P2RY8: variants seen among roughly 807,000 people sequenced by gnomAD.
P2RY8 encodes the protein S-geranylgeranyl-glutathione receptor P2RY8.
A neutral mutation model predicts 10.0 loss-of-function variants in P2RY8; 6 were observed. The ratio of observed to expected loss-of-function variants is 0.60; its 90% confidence interval spans 0.33 to 1.19. The LOEUF (loss-of-function observed/expected upper bound fraction) is 1.19. P2RY8 is among the 50% of genes most tolerant of loss of function. P2RY8 has a pLI of 0.04. For synonymous variants in P2RY8, 276 were observed against 252.5 expected (o/e 1.09, Z -0.88); for missense variants, 456 against 542.0 (o/e 0.84, Z 1.58).
At chrX:1,513,729 T>A (rs1419497409) in intron 1 of P2RY8, among the ~76,000 whole-genome samples, 2 of 146,324 alleles carry the variant, frequency 1.4e-5, no homozygotes, top group Admixed American at 6.9e-5. Flanking sequence ...CCACTACAAT[T>A]GTATCCAGTT....
chrX:1,469,503 G>C (rs2091754963), intron 1 of P2RY8, among the ~76,000 whole-genome samples: 1 of 151,948 alleles, frequency 6.6e-6, no homozygotes, highest in Admixed American at 6.6e-5. Flanking sequence ...GCAGGTAAAT[G>C]CACACCTGTC....
chrX:1,463,690 T>G lies in P2RY8; in HGVS notation c.*1789A>C, dbSNP rs1354447934. The G allele has an allele frequency of 4.5e-6, 1 of 222,360 alleles. No homozygotes were observed. The highest frequency in any genetic ancestry group is 8.9e-6 in the Non-Finnish European group (1 of 112,970). The allele number at this position is 222,360 out of a possible 1,614,324, so 13.8% of individuals were successfully genotyped here. A position where few individuals can be genotyped will look rare whatever the true frequency, so the allele number is the denominator to read the frequency against. On this transcript the variant is annotated 3_prime_UTR_variant, in exon 2 of 2. Transcript: ENST00000381297. ...AACTGTTTAGTGCACTCTGCAATTG[T>G]ATCCAGTTCCCTCCAGAGACTCTAG...
chrX:1,466,520 C>G lies in P2RY8; in HGVS notation c.39G>C (p.Thr13=), dbSNP rs139083185. The part of the protein sequence containing the change: ...VPNSTGPDNA[T]LQMLRNPAIA... ...TCGCCGGGTTCCGCAGCATCTGCAGCGTCGCGTTGTCCGGGCCGGTGCTGT... is the reference window on the plus strand; with the variant it reads ...TCGCCGGGTTCCGCAGCATCTGCAGGGTCGCGTTGTCCGGGCCGGTGCTGT... Residue 13 remains threonine (T), a synonymous_variant, in exon 2 of 2, where the codon ACG becomes ACC. Transcript: ENST00000381297. 7 of 1,609,738 alleles carry G rather than the reference C, an allele frequency of 4.3e-6. No homozygotes were observed. The Admixed American group carries it at 1.2e-4, about 27-fold the overall frequency.
At chrX:1,533,751 A>G (rs1389386319) in intron 1 of P2RY8, among the ~76,000 whole-genome samples, 10 of 123,990 alleles carry the variant, frequency 8.1e-5, no homozygotes, top group Non-Finnish European at 1.4e-4. Flanking sequence ...ATTATTTATT[A>G]TTTATATATT....
At chrX:1,514,046 C>G (rs5948931) in intron 1 of P2RY8, among the ~76,000 whole-genome samples, 1 of 152,036 alleles carries the variant, frequency 6.6e-6, no homozygotes, top group Admixed American at 6.6e-5. Flanking sequence ...TTTGCAGGTA[C>G]GCACCATTGA....
At chrX:1,496,378 C>T (rs1186515141) in intron 1 of P2RY8, among the ~76,000 whole-genome samples, 3 of 152,172 alleles carry the variant, frequency 2.0e-5, no homozygotes, top group Non-Finnish European at 2.9e-5. Context: ...CCTGCCTTGG[C>T]GTTGGGGAGC....
At chrX:1,505,758 C>G (rs1443275604) in intron 1 of P2RY8, among the ~76,000 whole-genome samples, 1 of 152,030 alleles carries the variant, frequency 6.6e-6, no homozygotes, top group Non-Finnish European at 1.5e-5. Flanking sequence ...CCATTGCACT[C>G]CAGCTTGGGC....
chrX:1,514,381 T>C (rs1468964599), intron 1 of P2RY8, among the ~76,000 whole-genome samples: 34 of 131,244 alleles, frequency 2.6e-4, no homozygotes, highest in African/African-American at 1.0e-3. Context: ...TCCTTTCCCT[T>C]CCCTCCCTTC....
intron 1 of P2RY8, among the ~76,000 whole-genome samples, chrX:1,518,297 G>T (rs1195538860): frequency 1.3e-5 from 2 of 150,064 alleles, no homozygotes; most frequent in Non-Finnish European, 3.0e-5. Flanking sequence ...ATGGTGGCAG[G>T]TGCCTGCAAT....
chrX:1,530,748 T>G (rs1162418043), intron 1 of P2RY8, among the ~76,000 whole-genome samples: 1 of 150,630 alleles, frequency 6.6e-6, no homozygotes, highest in Non-Finnish European at 1.5e-5. Context: ...ATCTATCTAA[T>G]CTATGTATGT....
chrX:1,500,109 CG>C (rs1188961523), intron 1 of P2RY8, among the ~76,000 whole-genome samples: 1 of 151,046 alleles, frequency 6.6e-6, no homozygotes, highest in African/African-American at 2.4e-5. Context: ...CCGCCTGCCT[CG>C]GCCTCCCAAA....
chrX:1,526,802 C>T (rs1454584508), intron 1 of P2RY8, among the ~76,000 whole-genome samples: 1 of 152,214 alleles, frequency 6.6e-6, no homozygotes, highest in Non-Finnish European at 1.5e-5. Flanking sequence ...TTTATTCATG[C>T]ATCGATGAAT....
intron 1 of P2RY8, among the ~76,000 whole-genome samples, chrX:1,502,783 C>G (rs1348187607): frequency 6.6e-6 from 1 of 152,122 alleles, no homozygotes; most frequent in East Asian, 1.9e-4. Context: ...AGAGGAGACA[C>G]AGACACAGAG....
chrX:1,482,098 A>G (rs2091941669), intron 1 of P2RY8, among the ~76,000 whole-genome samples: 1 of 152,160 alleles, frequency 6.6e-6, no homozygotes, highest in South Asian at 2.1e-4. Context: ...ATCGCTGGCC[A>G]GAGAGCAGAT....
intron 1 of P2RY8, among the ~76,000 whole-genome samples, chrX:1,483,600 C>T (rs1462851774): frequency 2.0e-5 from 3 of 152,036 alleles, no homozygotes; most frequent in Non-Finnish European, 4.4e-5. Flanking sequence ...CGCCACTGCA[C>T]TCCAGCCTGG....
intron 1 of P2RY8, among the ~76,000 whole-genome samples, chrX:1,520,896 A>T (rs1344555476): frequency 6.6e-6 from 1 of 151,564 alleles, no homozygotes; most frequent in Non-Finnish European, 1.5e-5. Context: ...CCTTGTCCCC[A>T]ATAATCTCCT....
intron 1 of P2RY8, among the ~76,000 whole-genome samples, chrX:1,509,688 C>G (rs1373910732): frequency 1.4e-5 from 2 of 142,500 alleles, no homozygotes; most frequent in African/African-American, 5.6e-5. Context: ...ATCCATCCAT[C>G]CATCCATCCA....
intron 1 of P2RY8, among the ~76,000 whole-genome samples, chrX:1,529,159 C>A (rs1272265002): frequency 6.6e-6 from 1 of 152,140 alleles, no homozygotes; most frequent in Admixed American, 6.6e-5. Flanking sequence ...TCCCCTGAGA[C>A]CTGACCTGCA....
At chrX:1,503,314 G>A (rs191550786) in intron 1 of P2RY8, among the ~76,000 whole-genome samples, 23 of 152,218 alleles carry the variant, frequency 1.5e-4, no homozygotes, top group African/African-American at 4.8e-4. Context: ...TCCTGTTGTC[G>A]AACTCCCCAG....
Sources: gnomAD v4.1 joint callset for allele counts (sites outside exome capture counted in the v4.1 genomes callset) on GRCh38, gnomAD v4.1.1 for gene constraint, MANE v1.5 for transcripts, NCBI Gene and HGNC (gene_info 2026-07-23, HGNC 2026-07-21) for gene names.